Variants in DPYS observed in about 807,000 individuals in gnomAD.
DPYS encodes dihydropyrimidine amidohydrolase.
DPYS carries 39 observed loss-of-function variants against 50.3 expected under a neutral mutation model. The observed-to-expected ratio is 0.78, with a 90% CI of 0.60 to 1.01. DPYS has a LOEUF of 1.01. DPYS is among the 50% of genes least tolerant of loss of function. The pLI is 0.00. For synonymous variants in DPYS, 245 were observed against 250.7 expected (o/e 0.98, Z 0.22); for missense variants, 659 against 680.9 (o/e 0.97, Z 0.36).
At chr8:104,395,663 T>C (rs979934251) in intron 7 of DPYS, among the ~76,000 whole-genome samples, 2 of 152,238 alleles carry the variant, frequency 1.3e-5, no homozygotes, top group African/African-American at 2.4e-5. Context: ...TATTCCACTG[T>C]ATGGACATAC....
chr8:104,384,096 C>T (rs1811139053), intron 8 of DPYS, among the ~76,000 whole-genome samples: 1 of 152,168 alleles, frequency 6.6e-6, no homozygotes, highest in Non-Finnish European at 1.5e-5. Context: ...GGTCTGCTTT[C>T]CTCTCAGAAT....
chr8:104,391,289 GA>G (rs1276611582), intron 8 of DPYS, among the ~76,000 whole-genome samples: 1 of 152,168 alleles, frequency 6.6e-6, no homozygotes, highest in African/African-American at 2.4e-5. Context: ...GAGAGCTCTG[GA>G]AAAGGAGAGG....
Position 104,381,234 on chromosome 8 carries a change from A to G in DPYS, c.1524T>C (p.Asp508=). 1.9e-6 allele frequency: 3 copies of G among 1,614,106 alleles called. No homozygotes were observed. The highest frequency in any genetic ancestry group is 1.1e-5 in the South Asian group (1 of 91,078). Residue 508 remains aspartate (D), a synonymous_variant, in exon 9 of 10, where the codon GAT becomes GAC. Transcript: ENST00000351513. ...CCTGTTTCCTGGTCCCTGCTGTGGC[A>G]TCTTCTTTTGTCACTCTGGATTTCA... ...ATLKSRVTKE[D]ATAGTRKQAH...
At chr8:104,393,309 T>A (rs1811461762) in intron 7 of DPYS, among the ~76,000 whole-genome samples, 1 of 152,208 alleles carries the variant, frequency 6.6e-6, no homozygotes, top group East Asian at 1.9e-4. Flanking sequence ...AACACATTTT[T>A]TCATTTTTAA....
intron 3 of DPYS, among the ~76,000 whole-genome samples, chr8:104,447,096 C>T (rs1236956870): frequency 2.6e-5 from 4 of 152,172 alleles, no homozygotes; most frequent in Non-Finnish European, 5.9e-5. Flanking sequence ...GGGAAATCCT[C>T]ATTCTAGTGC....
At chr8:104,415,236 A>C (rs1244234060) in intron 7 of DPYS, among the ~76,000 whole-genome samples, 1 of 152,260 alleles carries the variant, frequency 6.6e-6, no homozygotes, top group African/African-American at 2.4e-5. Flanking sequence ...TAGGAAGAAA[A>C]ATACAGCAGG....
chr8:104,427,876 A>T, intron 6 of DPYS, 104 bp downstream of exon 6: 1 of 1,569,892 alleles, frequency 6.4e-7, no homozygotes, highest in Non-Finnish European at 8.8e-7. Flanking sequence ...AGTAAAAACA[A>T]TCAAAAAGCT....
intron 1 of DPYS, among the ~76,000 whole-genome samples, chr8:104,463,607 A>T (rs1254416847): frequency 6.6e-6 from 1 of 152,230 alleles, no homozygotes; most frequent in African/African-American, 2.4e-5. Context: ...CAATTTCCTC[A>T]ATTGTAAAAA....
chr8:104,450,170 G>GGAGA (rs1208364462), intron 2 of DPYS, among the ~76,000 whole-genome samples: 1 of 141,098 alleles, frequency 7.1e-6, no homozygotes, highest in Non-Finnish European at 1.5e-5. Flanking sequence ...AGGGAGGGAG[G>GGAGA]GAGGGAAAAG....
intron 4 of DPYS, among the ~76,000 whole-genome samples, chr8:104,434,344 G>A (rs1463588588): frequency 1.3e-5 from 2 of 152,156 alleles, no homozygotes; most frequent in African/African-American, 4.8e-5. Context: ...CTGTGTTGAT[G>A]TTAAATGCTG....
chr8:104,416,918 T>G (rs2140595236), intron 7 of DPYS, among the ~76,000 whole-genome samples: 1 of 152,264 alleles, frequency 6.6e-6, no homozygotes, highest in Non-Finnish European at 1.5e-5. Flanking sequence ...CTTCCCCCGC[T>G]TTATTTCACA....
At chr8:104,436,931 G>A (rs572741285) in intron 4 of DPYS, among the ~76,000 whole-genome samples, 3 of 151,990 alleles carry the variant, frequency 2.0e-5, no homozygotes, top group East Asian at 1.9e-4. Context: ...ACGGAACCAT[G>A]GAAAAAAAGA....
chr8:104,402,541 T>C (rs2140548262), intron 7 of DPYS, among the ~76,000 whole-genome samples: 1 of 152,300 alleles, frequency 6.6e-6, no homozygotes, highest in South Asian at 2.1e-4. Context: ...GTGGACTTGG[T>C]CTTATAATTT....
At chr8:104,402,215 C>A (rs1299351308) in intron 7 of DPYS, among the ~76,000 whole-genome samples, 1 of 152,228 alleles carries the variant, frequency 6.6e-6, no homozygotes, top group Non-Finnish European at 1.5e-5. Context: ...CAGTACTGAG[C>A]AAACAGAGGT....
intron 7 of DPYS, among the ~76,000 whole-genome samples, chr8:104,409,522 C>G (rs1194252264): frequency 6.6e-6 from 1 of 151,946 alleles, no homozygotes; most frequent in African/African-American, 2.4e-5. Context: ...AAAATACAAA[C>G]TAAATATGCA....
intron 6 of DPYS, among the ~76,000 whole-genome samples, chr8:104,427,524 C>A (rs1380021972): frequency 6.6e-6 from 1 of 151,958 alleles, no homozygotes; most frequent in African/African-American, 2.4e-5. Flanking sequence ...AGTGATCCAC[C>A]TGCCTTGGCC....
intron 7 of DPYS, among the ~76,000 whole-genome samples, chr8:104,406,896 T>C (rs889940331): frequency 1.3e-5 from 2 of 152,206 alleles, no homozygotes; most frequent in African/African-American, 4.8e-5. Flanking sequence ...CTGACTAATA[T>C]ATCCTGGCTG....
chr8:104,416,831 C>T (rs542043651), intron 7 of DPYS, among the ~76,000 whole-genome samples: 1 of 152,208 alleles, frequency 6.6e-6, no homozygotes, highest in South Asian at 2.1e-4. Context: ...TCACTCTTTG[C>T]CAAAGGGTAC....
Position 104,384,963 on chromosome 8 carries a change from G to T in DPYS, c.1444-3649C>A, listed in dbSNP as rs183188412. On this transcript the variant is annotated intron_variant, in intron 8 of 9. Coordinates refer to ENST00000351513, the MANE Select transcript of DPYS (RefSeq NM_001385.3). ...TCTTCTCCTCCACCTCTGAAGGTTG[G>T]TGGGCCCAGAGCTCTATCTTAAGCC... Among the ~76,000 whole-genome samples the T allele has an allele frequency of 8.5e-5, 13 of 152,218 alleles. No homozygotes were observed. The East Asian group carries it at 2.5e-3, about 29-fold the overall frequency.
Sources: allele counts gnomAD v4.1 joint callset (sites outside exome capture counted in the v4.1 genomes callset), GRCh38; gene constraint gnomAD v4.1.1; transcripts MANE v1.5; gene names NCBI Gene and HGNC (gene_info 2026-07-23, HGNC 2026-07-21).